The following HSPA12A variants were observed in gnomAD, a reference collection of about 807,000 sequenced individuals.
HSPA12A encodes the protein heat shock protein family A (Hsp70) member 12A, also known as heat shock 70 kDa protein 12A.
Under a neutral mutation model 69.2 loss-of-function variants are expected in HSPA12A, and 28 were observed. That is an observed-to-expected ratio of 0.40 (90% CI 0.30 to 0.55). HSPA12A has a LOEUF of 0.55. Ranked by LOEUF, HSPA12A falls within the 20% of genes least tolerant of loss-of-function variation. The pLI is 0.38. For missense variants in HSPA12A, 686 were observed against 900.7 expected (o/e 0.76, Z 3.05); for synonymous variants, 345 against 370.5 (o/e 0.93, Z 0.79).
intron 5 of HSPA12A, chr10:116,698,378 A>T: frequency 2.8e-6 from 1 of 360,264 alleles, no homozygotes; most frequent in Non-Finnish European, 5.0e-6. Context: ...CCAGGAGTGG[A>T]GCTGCTGGGT....
chr10:116,815,692 A>C (rs1344153022), intron 2 of HSPA12A, among the ~76,000 whole-genome samples: 2 of 151,786 alleles, frequency 1.3e-5, no homozygotes, highest in African/African-American at 4.8e-5. Context: ...CAGGGCCCTG[A>C]CTCTGTCATT....
intron 2 of HSPA12A, among the ~76,000 whole-genome samples, chr10:116,827,959 A>G (rs1399153889): frequency 6.6e-6 from 1 of 152,206 alleles, no homozygotes; most frequent in Non-Finnish European, 1.5e-5. Flanking sequence ...GCGACTGGGA[A>G]GCTTACAGGC....
At position 116,672,641 on chromosome 10, in the gene HSPA12A, C is replaced by T. The variant is rs188328148; in HGVS notation, c.*2140G>A. On this transcript the variant is annotated 3_prime_UTR_variant, in exon 12 of 12. Transcript: ENST00000369209. The stretch of plus-strand genomic sequence containing the variant: ...AAAAGTATCATCAACAAAAATCAAG[C>T]ATTTTCCTCTTTTTGAAACAAGAAA... The T allele has an allele frequency of 6.5e-6, 1 of 152,738 alleles. No homozygotes were observed. The highest frequency in any genetic ancestry group is 6.5e-5 in the Admixed American group (1 of 15,300). The allele number at this position is 152,738 out of a possible 1,614,324, so 9.5% of individuals were successfully genotyped here.
chr10:116,762,040 A>C (rs1235789209), intron 2 of HSPA12A, among the ~76,000 whole-genome samples: 1 of 152,212 alleles, frequency 6.6e-6, no homozygotes, highest in Non-Finnish European at 1.5e-5. Flanking sequence ...AGTTTTTTGC[A>C]GCTTATATAC....
At chr10:116,769,960 C>G (rs1287536531) in intron 2 of HSPA12A, among the ~76,000 whole-genome samples, 1 of 152,216 alleles carries the variant, frequency 6.6e-6, no homozygotes, top group Non-Finnish European at 1.5e-5. Context: ...AGAGTCAGCT[C>G]TCCAGGGAAG....
chr10:116,767,574 T>TG (rs1399303795), intron 2 of HSPA12A, among the ~76,000 whole-genome samples: 21 of 152,088 alleles, frequency 1.4e-4, no homozygotes, highest in African/African-American at 5.1e-4. Flanking sequence ...ACAGACTGGG[T>TG]GGGGCACAGT....
chr10:116,770,946 G>C (rs1253276809), intron 2 of HSPA12A, among the ~76,000 whole-genome samples: 1 of 151,794 alleles, frequency 6.6e-6, no homozygotes, highest in Admixed American at 6.6e-5. Flanking sequence ...TGGCTGCTGC[G>C]GGCTGTGTGT....
intron 2 of HSPA12A, among the ~76,000 whole-genome samples, chr10:116,786,576 A>G (rs1388569308): frequency 2.0e-5 from 3 of 152,124 alleles, no homozygotes; most frequent in Admixed American, 2.0e-4. Flanking sequence ...TAAATGGTAT[A>G]TTTTTCTCAT....
intron 2 of HSPA12A, among the ~76,000 whole-genome samples, chr10:116,815,189 T>C (rs549983102): frequency 7.0e-5 from 10 of 143,762 alleles, no homozygotes; most frequent in Admixed American, 1.5e-4. Context: ...TCTTCCAACT[T>C]TGGGTCACCT....
chr10:116,757,843 T>G (rs1242952220), intron 2 of HSPA12A, among the ~76,000 whole-genome samples: 1 of 152,188 alleles, frequency 6.6e-6, no homozygotes. Context: ...AGCGACCTAT[T>G]AGAATGGCCA....
At chr10:116,771,025 G>T (rs12252307) in intron 2 of HSPA12A, among the ~76,000 whole-genome samples, 1 of 149,788 alleles carries the variant, frequency 6.7e-6, no homozygotes, top group Non-Finnish European at 1.5e-5. Context: ...GGGGGAGGGG[G>T]CAGTGGACTG....
At chr10:116,753,129 G>C (rs561056929) in intron 2 of HSPA12A, among the ~76,000 whole-genome samples, 1 of 152,226 alleles carries the variant, frequency 6.6e-6, no homozygotes, top group African/African-American at 2.4e-5. Flanking sequence ...CAGCGGAGCA[G>C]GGACAAAGAT....
At chr10:116,678,348 C>CAAAAAAA (rs55780024) in intron 10 of HSPA12A, among the ~76,000 whole-genome samples, 10 of 59,390 alleles carry the variant, frequency 1.7e-4, no homozygotes, top group Admixed American at 3.0e-4. Flanking sequence ...TGCCAACTTG[C>CAAAAAAA]AAAAAAAAAA....
chr10:116,785,624 G>A (rs955743953), intron 2 of HSPA12A, among the ~76,000 whole-genome samples: 3 of 151,980 alleles, frequency 2.0e-5, no homozygotes, highest in Admixed American at 6.6e-5. Flanking sequence ...ACGCACACTC[G>A]GGCTCTGCTG....
In HSPA12A at chr10:116,674,622, A is replaced by G. The variant is rs1248818795; in HGVS notation, c.*159T>C. 7 of 730,282 alleles carry G rather than the reference A, an allele frequency of 9.6e-6. No homozygotes were observed. In the African/African-American group the frequency reaches 1.1e-4, roughly 11 times the overall value. The allele number at this position is 730,282 out of a possible 1,614,324, so 45.2% of individuals were successfully genotyped here. Reference sequence around the variant, plus strand: ...TTTTTCTGACTCCAGTGTGCCCTCAAAAGTCACTAATTATTTCTAGCCCTG... The same window carrying G: ...TTTTTCTGACTCCAGTGTGCCCTCAGAAGTCACTAATTATTTCTAGCCCTG... On this transcript the variant is annotated 3_prime_UTR_variant, in exon 12 of 12. Transcript: ENST00000369209.
At chr10:116,781,241 A>C (rs1328688287) in intron 2 of HSPA12A, among the ~76,000 whole-genome samples, 1 of 152,100 alleles carries the variant, frequency 6.6e-6, no homozygotes, top group South Asian at 2.1e-4. Context: ...CCGAGGGTGC[A>C]GTGAAACTTG....
At chr10:116,771,170 A>G (rs1409197264) in intron 2 of HSPA12A, among the ~76,000 whole-genome samples, 2 of 152,212 alleles carry the variant, frequency 1.3e-5, no homozygotes, top group Non-Finnish European at 2.9e-5. Context: ...CCCCAAGTCC[A>G]CGGTTCAAAG....
In HSPA12A at chr10:116,681,803, C is replaced by A; in HGVS notation, c.910G>T (p.Glu304Ter). Reference protein sequence around the residue: ...VENVIGEIWSELEEGDKYVVV... With the variant: ...VENVIGEIWS Reference sequence around the variant, plus strand: ...TGAAGGACGCTACCTTCCTCCAGCTCGGACCAGATTTCTCCTATGACATTC... The same window carrying A: ...TGAAGGACGCTACCTTCCTCCAGCTAGGACCAGATTTCTCCTATGACATTC... The change falls in exon 8 of 12, where the codon GAG becomes TAG. Residue 304 changes from glutamate (E) to a stop codon, truncating the protein, a stop_gained. Transcript: ENST00000369209. LOFTEE classifies it high-confidence loss of function. 6.2e-7 allele frequency: 1 copy of A among 1,613,974 alleles called. No individual in the cohort carries two copies. Among genetic ancestry groups the A allele is most frequent in the South Asian group, 1.1e-5 (1 of 91,066 alleles).
At chr10:116,715,429 A>G (rs1850575780) in intron 1 of HSPA12A, among the ~76,000 whole-genome samples, 1 of 152,242 alleles carries the variant, frequency 6.6e-6, no homozygotes, top group Non-Finnish European at 1.5e-5. Flanking sequence ...CTAAGGGATT[A>G]TTATTAATAG....
Sources: allele counts gnomAD v4.1 joint callset (sites outside exome capture counted in the v4.1 genomes callset), GRCh38; gene constraint gnomAD v4.1.1; transcripts MANE v1.5; gene names NCBI Gene and HGNC (gene_info 2026-07-23, HGNC 2026-07-21).